The following EVI5 variants were observed in gnomAD, a reference collection of about 807,000 sequenced individuals.
EVI5 encodes the protein ecotropic viral integration site 5.
Under a neutral mutation model 112.0 loss-of-function variants are expected in EVI5, and 73 were observed. That is an observed-to-expected ratio of 0.65 (90% CI 0.54 to 0.79). EVI5 has a LOEUF of 0.79. EVI5 is among the 30% of genes least tolerant of loss of function. EVI5 has a pLI of 0.00. For missense variants in EVI5, 900 were observed against 968.8 expected, an observed-to-expected ratio of 0.93 and a Z score of 0.94; for synonymous variants, 305 against 319.9, an observed-to-expected ratio of 0.95 and a Z score of 0.50.
In EVI5 at chr1:92,736,563, G is replaced by C. The variant is rs1256957085; in HGVS notation, c.-17C>G. 1.9e-6 allele frequency: 3 copies of C among 1,613,858 alleles called. No individual in the cohort carries two copies. The highest frequency in any genetic ancestry group is 1.7e-6 in the Non-Finnish European group (2 of 1,179,892). On this transcript the variant is annotated 5_prime_UTR_variant, in exon 2 of 20. The change creates a new upstream start codon in the 5' untranslated region. Coordinates refer to ENST00000684568, the MANE Select transcript of EVI5 (RefSeq NM_001350197.2). ...ACTGGCCATCTGACTGACTGTATGCGATACTGTGTTCTTCACCCATGAGAG... is the reference window on the plus strand; with the variant it reads ...ACTGGCCATCTGACTGACTGTATGCCATACTGTGTTCTTCACCCATGAGAG...
In EVI5 at chr1:92,617,665, A is replaced by G. The variant is rs561096200; in HGVS notation, c.1827+6511T>C. Among the ~76,000 whole-genome samples, 7 of 152,286 alleles carry G rather than the reference A, an allele frequency of 4.6e-5. No homozygotes were observed. The South Asian group carries it at 8.3e-4, about 18-fold the overall frequency. ...GGCTACAGCCACTGCTAAGTGCCCA[A>G]TTTCCCAGCAGCAGAGACCAACACT... On this transcript the variant is annotated intron_variant, in intron 16 of 19. Coordinates refer to ENST00000684568, the MANE Select transcript of EVI5 (RefSeq NM_001350197.2).
intron 3 of EVI5, 88 bp from the exon 4 acceptor site, chr1:92,703,707 G>T: frequency 1.3e-6 from 1 of 752,478 alleles, no homozygotes; most frequent in Non-Finnish European, 2.1e-6. Flanking sequence ...TTGGAATGAA[G>T]TAGAAGACAT....
In EVI5 at chr1:92,662,824, G is replaced by A. The variant is rs557605996; in HGVS notation, c.1287C>T (p.Leu429=). ...TRAQEAEENY[L]IKRELATIKQ... ...TGATGGTGGCCAACTCCCGTTTTATGAGGTAGTTTTCCTCAGCCTCCTGGG... is the reference window on the plus strand; with the variant it reads ...TGATGGTGGCCAACTCCCGTTTTATAAGGTAGTTTTCCTCAGCCTCCTGGG... The change falls in exon 13 of 20, where the codon CTC becomes CTT. Residue 429 remains leucine (L), a synonymous_variant. Transcript: ENST00000684568. 2 of 1,289,296 alleles carry A rather than the reference G, an allele frequency of 1.6e-6. No homozygotes were observed. Among genetic ancestry groups the A allele is most frequent in the South Asian group, 1.2e-5 (1 of 80,960 alleles). 79.9% of individuals were successfully genotyped at this position (1,289,296 alleles called of 1,614,324 possible). A position where few individuals can be genotyped will look rare whatever the true frequency, so the allele number is the denominator to read the frequency against.
chr1:92,675,188 C>A (rs987437384), intron 10 of EVI5, among the ~76,000 whole-genome samples: 8 of 151,990 alleles, frequency 5.3e-5, no homozygotes, highest in Non-Finnish European at 1.0e-4. Flanking sequence ...ACCGAAAATA[C>A]AAAAAATTAG....
At chr1:92,738,641 T>C (rs191231488) in intron 1 of EVI5, among the ~76,000 whole-genome samples, 11 of 152,294 alleles carry the variant, frequency 7.2e-5, no homozygotes, top group African/African-American at 2.6e-4. Context: ...TAGACCTCAC[T>C]GAAATGGAAT....
At chr1:92,613,733 C>G (rs1443796666) in intron 16 of EVI5, among the ~76,000 whole-genome samples, 1 of 152,112 alleles carries the variant, frequency 6.6e-6, no homozygotes, top group Non-Finnish European at 1.5e-5. Flanking sequence ...GGACTACAGG[C>G]ACATACTACC....
At chr1:92,735,023 C>T (rs1677104034) in intron 2 of EVI5, among the ~76,000 whole-genome samples, 1 of 152,166 alleles carries the variant, frequency 6.6e-6, no homozygotes, top group South Asian at 2.1e-4. Flanking sequence ...TCATACACTG[C>T]TGGCGGGATA....
upstream of EVI5, among the ~76,000 whole-genome samples, chr1:92,788,711 T>G (rs1018851026): frequency 6.6e-6 from 1 of 151,944 alleles, no homozygotes; most frequent in African/African-American, 2.4e-5. Context: ...GGAGAACTGC[T>G]TGAACCCAAG....
At chr1:92,667,005 T>C (rs1394431410) in intron 10 of EVI5, among the ~76,000 whole-genome samples, 1 of 152,118 alleles carries the variant, frequency 6.6e-6, no homozygotes, top group Admixed American at 6.5e-5. Context: ...AAATTTTCCA[T>C]TTAGGGCCTG....
At chr1:92,548,469 C>T (rs570608828) in intron 19 of EVI5, among the ~76,000 whole-genome samples, 263 of 152,306 alleles carry the variant, frequency 1.7e-3, no homozygotes, top group African/African-American at 6.0e-3. Flanking sequence ...CACTCCTATT[C>T]AACATAGTGC....
At chr1:92,765,028 C>T (rs1180824480) in intron 1 of EVI5, among the ~76,000 whole-genome samples, 1 of 152,084 alleles carries the variant, frequency 6.6e-6, no homozygotes, top group Non-Finnish European at 1.5e-5. Flanking sequence ...TTTTTAAGCA[C>T]ATACATCAGT....
chr1:92,628,352 T>G (rs1289435215), intron 14 of EVI5, among the ~76,000 whole-genome samples: 1 of 152,248 alleles, frequency 6.6e-6, no homozygotes, highest in Non-Finnish European at 1.5e-5. Flanking sequence ...CTATTTATCT[T>G]TGTTCTAATT....
At position 92,667,276 on chromosome 1, in the gene EVI5, C is replaced by T. The variant is rs569436242; in HGVS notation, c.1159-1284G>A. Among the ~76,000 whole-genome samples, 264 of 152,016 alleles carry T rather than the reference C, an allele frequency of 1.7e-3. 1 individual carries two copies. Among genetic ancestry groups the T allele is most frequent in the African/African-American group, 5.8e-3 (242 of 41,474 alleles). ...TCCATCCTGGGCAACAGAGCAAGACCTTGTCTCAAATTTAAAAAAAAAAAA... is the reference window on the plus strand; with the variant it reads ...TCCATCCTGGGCAACAGAGCAAGACTTTGTCTCAAATTTAAAAAAAAAAAA... On this transcript the variant is annotated intron_variant, in intron 10 of 19. Transcript: ENST00000684568.
At chr1:92,657,298 T>C (rs1353962893) in intron 13 of EVI5, among the ~76,000 whole-genome samples, 3 of 152,074 alleles carry the variant, frequency 2.0e-5, no homozygotes, top group Non-Finnish European at 2.9e-5. Context: ...TCTCAACAGA[T>C]GCAAAAAAAA....
chr1:92,773,427 A>G (rs1683706479), intron 1 of EVI5, among the ~76,000 whole-genome samples: 1 of 152,206 alleles, frequency 6.6e-6, no homozygotes, highest in Non-Finnish European at 1.5e-5. Flanking sequence ...AAGAACAAGA[A>G]AAACTAATCT....
At chr1:92,691,149 C>A (rs1669442887) in intron 9 of EVI5, among the ~76,000 whole-genome samples, 1 of 151,962 alleles carries the variant, frequency 6.6e-6, no homozygotes, top group African/African-American at 2.4e-5. Flanking sequence ...ACAATGAAAT[C>A]AATGGCAAAG....
chr1:92,703,022 T>C (rs1430802685), intron 4 of EVI5, among the ~76,000 whole-genome samples: 1 of 152,098 alleles, frequency 6.6e-6, no homozygotes, highest in East Asian at 1.9e-4. Flanking sequence ...CTCTTAACAG[T>C]GCTGGCCATA....
intron 19 of EVI5, among the ~76,000 whole-genome samples, chr1:92,526,957 C>T (rs956392003): frequency 3.9e-5 from 6 of 152,162 alleles, no homozygotes; most frequent in African/African-American, 4.8e-5. Context: ...AAGGGGCATA[C>T]GGTAACTCTC....
At chr1:92,540,167 G>C (rs1416477595) in intron 19 of EVI5, among the ~76,000 whole-genome samples, 2 of 152,100 alleles carry the variant, frequency 1.3e-5, no homozygotes, top group East Asian at 3.9e-4. Context: ...AGATGTCTTA[G>C]TGTAGACATG....
Sources: gnomAD v4.1 joint callset for allele counts (sites outside exome capture counted in the v4.1 genomes callset) on GRCh38, gnomAD v4.1.1 for gene constraint, MANE v1.5 for transcripts, NCBI Gene and HGNC (gene_info 2026-07-23, HGNC 2026-07-21) for gene names.